RNF13: variants seen among roughly 807,000 people sequenced by gnomAD.
RNF13 encodes E3 ubiquitin-protein ligase RNF13.
RNF13 carries 19 observed loss-of-function variants against 37.7 expected under a neutral mutation model. That is an observed-to-expected ratio of 0.50 (90% CI 0.35 to 0.74). The LOEUF (loss-of-function observed/expected upper bound fraction) is 0.74. Among genes scored for constraint, RNF13 ranks in the 30% least tolerant of loss-of-function variants. The pLI is 0.01. For synonymous variants in RNF13, 144 were observed against 157.8 expected, an observed-to-expected ratio of 0.91 and a Z score of 0.65; for missense variants, 375 against 453.0, an observed-to-expected ratio of 0.83 and a Z score of 1.56.
At chr3:149,837,335 T>A (rs1721723083) in intron 1 of RNF13, among the ~76,000 whole-genome samples, 1 of 152,178 alleles carries the variant, frequency 6.6e-6, no homozygotes, top group Non-Finnish European at 1.5e-5. Context: ...CTGAAGTGCT[T>A]TAAATGACAG....
intron 4 of RNF13, among the ~76,000 whole-genome samples, chr3:149,876,583 G>A (rs1332597979): frequency 6.6e-6 from 1 of 151,942 alleles, no homozygotes; most frequent in Non-Finnish European, 1.5e-5. Context: ...CACCTCGTAA[G>A]AATTTACAAG....
At chr3:149,843,726 G>A (rs1455215594) in intron 1 of RNF13, among the ~76,000 whole-genome samples, 3 of 152,188 alleles carry the variant, frequency 2.0e-5, no homozygotes, top group Non-Finnish European at 4.4e-5. Flanking sequence ...TTTTCAGTAG[G>A]GGTTTAGAAT....
intron 3 of RNF13, among the ~76,000 whole-genome samples, chr3:149,853,467 AG>A: frequency 7.2e-6 from 1 of 138,946 alleles, no homozygotes. Flanking sequence ...AGAGAGAGAG[AG>A]AGAGAGAGAG....
intron 3 of RNF13, among the ~76,000 whole-genome samples, chr3:149,854,415 G>A (rs1045473816): frequency 1.3e-5 from 2 of 152,072 alleles, no homozygotes; most frequent in Admixed American, 6.5e-5. Flanking sequence ...AACATGTAAT[G>A]CTTTTTCATT....
At chr3:149,889,782 G>A (rs1357941374) in intron 4 of RNF13, among the ~76,000 whole-genome samples, 1 of 151,414 alleles carries the variant, frequency 6.6e-6, no homozygotes, top group Non-Finnish European at 1.5e-5. Context: ...AACCTCCTGA[G>A]TAGCTAGGAC....
intron 8 of RNF13, among the ~76,000 whole-genome samples, chr3:149,954,210 A>G (rs1412846338): frequency 6.6e-6 from 1 of 152,040 alleles, no homozygotes; most frequent in East Asian, 1.9e-4. Flanking sequence ...AAAAAAAAAA[A>G]CCTTTGGTTG....
Position 149,830,737 on chromosome 3 carries a change from CA to C in RNF13, c.-16-15271del, listed in dbSNP as rs542308136. Among the ~76,000 whole-genome samples, 228 of 151,370 alleles carry C rather than the reference CA, an allele frequency of 1.5e-3. 2 individuals carry two copies. The highest frequency in any genetic ancestry group is 5.2e-3 in the African/African-American group (214 of 40,976). On this transcript the variant is annotated intron_variant, in intron 1 of 9. Transcript: ENST00000392894. ...GAAATTTGCTTAAGTAACGAGGAGCCAAATGTTAATTGCCAAGAAAATAGGG... is the reference window on the plus strand; with the variant it reads ...GAAATTTGCTTAAGTAACGAGGAGCCAATGTTAATTGCCAAGAAAATAGGG...
intron 8 of RNF13, among the ~76,000 whole-genome samples, chr3:149,933,407 C>T (rs944541177): frequency 7.9e-5 from 12 of 152,056 alleles, no homozygotes; most frequent in African/African-American, 2.9e-4. Context: ...ACATGGAAGC[C>T]ACCAAGGATT....
intron 1 of RNF13, among the ~76,000 whole-genome samples, chr3:149,823,230 G>A (rs952903838): frequency 1.1e-4 from 16 of 152,012 alleles, no homozygotes; most frequent in African/African-American, 3.9e-4. Context: ...GTTGATCTAA[G>A]TTTTTATTCC....
At chr3:149,842,759 C>T (rs1488053503) in intron 1 of RNF13, among the ~76,000 whole-genome samples, 1 of 152,156 alleles carries the variant, frequency 6.6e-6, no homozygotes, top group African/African-American at 2.4e-5. Context: ...ATTTATACAT[C>T]ATATTTTTGA....
intron 1 of RNF13, among the ~76,000 whole-genome samples, chr3:149,831,541 T>C (rs1246721558): frequency 6.6e-6 from 1 of 152,230 alleles, no homozygotes; most frequent in Non-Finnish European, 1.5e-5. Flanking sequence ...ATTTGACCAA[T>C]GCCTGTCCCC....
intron 3 of RNF13, among the ~76,000 whole-genome samples, chr3:149,870,784 G>T (rs905732847): frequency 6.6e-6 from 1 of 151,726 alleles, no homozygotes; most frequent in African/African-American, 2.4e-5. Context: ...CCCAAGATAT[G>T]TACAAACACT....
intron 4 of RNF13, among the ~76,000 whole-genome samples, chr3:149,886,432 G>A (rs1241404550): frequency 6.6e-6 from 1 of 151,998 alleles, no homozygotes; most frequent in Non-Finnish European, 1.5e-5. Context: ...GTGGATTTAT[G>A]TATATTGATC....
At chr3:149,886,560 ACTT>A (rs1383142933) in intron 4 of RNF13, among the ~76,000 whole-genome samples, 2 of 152,044 alleles carry the variant, frequency 1.3e-5, no homozygotes, top group African/African-American at 4.8e-5. Context: ...ATATAGTTTT[ACTT>A]CTTCTTTTCC....
intron 3 of RNF13, among the ~76,000 whole-genome samples, chr3:149,853,834 CTTTTTTTTT>C: frequency 8.7e-6 from 1 of 115,398 alleles, no homozygotes; most frequent in Non-Finnish European, 1.8e-5. Context: ...TAAAATTTCT[CTTTTTTTTT>C]TTTTTTTTTT....
intron 8 of RNF13, among the ~76,000 whole-genome samples, chr3:149,952,605 C>CTT (rs548564000): frequency 0.012 from 1,747 of 146,066 alleles, 34 homozygotes; most frequent in African/African-American, 0.042. Context: ...AAAGGAAATG[C>CTT]TTTTTTTTTT....
intron 8 of RNF13, among the ~76,000 whole-genome samples, chr3:149,948,080 G>T (rs890063044): frequency 1.3e-5 from 2 of 152,082 alleles, no homozygotes; most frequent in Non-Finnish European, 2.9e-5. Flanking sequence ...CTCCCGAGTA[G>T]CTGGGATTAC....
At chr3:149,910,605 G>A (rs888585122) in intron 6 of RNF13, among the ~76,000 whole-genome samples, 5 of 152,174 alleles carry the variant, frequency 3.3e-5, no homozygotes, top group African/African-American at 1.2e-4. Flanking sequence ...TCTGTATGAG[G>A]AAAGGAGTAA....
chr3:149,865,343 T>TA (rs1553757201), intron 3 of RNF13, among the ~76,000 whole-genome samples: 1 of 147,060 alleles, frequency 6.8e-6, no homozygotes, highest in South Asian at 2.1e-4. Context: ...TATATATATA[T>TA]ATATATATGT....
Sources: gnomAD v4.1 joint callset for allele counts (sites outside exome capture counted in the v4.1 genomes callset) on GRCh38, gnomAD v4.1.1 for gene constraint, MANE v1.5 for transcripts, NCBI Gene and HGNC (gene_info 2026-07-23, HGNC 2026-07-21) for gene names.